GPC5: variants seen among roughly 807,000 people sequenced by gnomAD.
GPC5 encodes the protein glypican-5.
A neutral mutation model predicts 53.9 loss-of-function variants in GPC5; 47 were observed. The ratio of observed to expected loss-of-function variants is 0.87; its 90% CI spans 0.69 to 1.11. GPC5 has a LOEUF of 1.11. GPC5 is among the 50% of genes most tolerant of loss of function. GPC5 has a pLI of 0.00. For synonymous variants in GPC5, 286 were observed against 263.3 expected (o/e 1.09, Z -0.84); for missense variants, 748 against 713.1 (o/e 1.05, Z -0.56).
chr13:92,499,987 A>C (rs556798324), intron 7 of GPC5, among the ~76,000 whole-genome samples: 24 of 152,322 alleles, frequency 1.6e-4, no homozygotes, highest in Admixed American at 1.4e-3. Flanking sequence ...CTAAAAAGTA[A>C]ATAGTGACAG....
intron 7 of GPC5, among the ~76,000 whole-genome samples, chr13:92,511,318 A>G (rs1389828335): frequency 6.6e-6 from 1 of 152,102 alleles, no homozygotes; most frequent in African/African-American, 2.4e-5. Flanking sequence ...AAGTATCTCA[A>G]ATTTGTCTTT....
At chr13:91,721,335 G>A (rs1037985083) in intron 3 of GPC5, among the ~76,000 whole-genome samples, 28 of 151,860 alleles carry the variant, frequency 1.8e-4, no homozygotes, top group African/African-American at 6.0e-4. Flanking sequence ...GGGTTTCACC[G>A]TGTTGGCCAG....
At chr13:91,726,935 G>A (rs1315643454) in intron 3 of GPC5, among the ~76,000 whole-genome samples, 2 of 152,104 alleles carry the variant, frequency 1.3e-5, no homozygotes, top group African/African-American at 2.4e-5. Context: ...TATCCAAGTC[G>A]TATGATGGCA....
intron 7 of GPC5, among the ~76,000 whole-genome samples, chr13:92,738,397 A>C (rs1888996894): frequency 6.6e-6 from 1 of 152,060 alleles, no homozygotes; most frequent in African/African-American, 2.4e-5. Context: ...AGATAATGAG[A>C]TTATTAAGTA....
intron 3 of GPC5, among the ~76,000 whole-genome samples, chr13:91,695,694 A>G (rs1041659611): frequency 5.9e-5 from 9 of 152,152 alleles, no homozygotes; most frequent in African/African-American, 1.9e-4. Flanking sequence ...ATATTATTTT[A>G]TTGAGTATCT....
At chr13:92,018,654 A>T (rs1283237797) in intron 6 of GPC5, among the ~76,000 whole-genome samples, 2 of 152,112 alleles carry the variant, frequency 1.3e-5, no homozygotes, top group East Asian at 3.8e-4. Flanking sequence ...AATTCAAAAG[A>T]TGTCATTAAA....
At chr13:92,449,491 T>A (rs1396841423) in intron 7 of GPC5, among the ~76,000 whole-genome samples, 2 of 152,306 alleles carry the variant, frequency 1.3e-5, no homozygotes, top group East Asian at 3.9e-4. Flanking sequence ...TTAATGTAAA[T>A]CAAATATGAA....
chr13:92,124,876 T>A (rs556471147), intron 6 of GPC5, among the ~76,000 whole-genome samples: 1 of 152,184 alleles, frequency 6.6e-6, no homozygotes, highest in Non-Finnish European at 1.5e-5. Flanking sequence ...ACAGCTCTCA[T>A]GTTTCTGATT....
intron 6 of GPC5, among the ~76,000 whole-genome samples, chr13:91,989,944 T>G (rs2040442101): frequency 6.6e-6 from 1 of 152,162 alleles, no homozygotes; most frequent in East Asian, 1.9e-4. Flanking sequence ...TAAAAAAAAC[T>G]TCACCCTTTT....
chr13:91,804,533 C>T (rs530413528), intron 5 of GPC5, among the ~76,000 whole-genome samples: 12 of 152,266 alleles, frequency 7.9e-5, no homozygotes, highest in African/African-American at 2.4e-4. Flanking sequence ...AACTGATGCA[C>T]GCTTTCTGCT....
At chr13:91,909,581 T>G (rs1487076994) in intron 6 of GPC5, among the ~76,000 whole-genome samples, 1 of 152,182 alleles carries the variant, frequency 6.6e-6, no homozygotes, top group Non-Finnish European at 1.5e-5. Flanking sequence ...TACATATAAT[T>G]TATAAATACA....
chr13:92,390,046 G>T lies in GPC5; in HGVS notation c.1561+245057G>T, dbSNP rs145493347. ...TTATCACCATTTTATGACTTCATTA[G>T]AATTTTGTCTTGATTCAAGGGATTT... On this transcript the variant is annotated intron_variant, in intron 7 of 7. Coordinates refer to ENST00000377067, the MANE Select transcript of GPC5 (RefSeq NM_004466.6). 1.9e-3 allele frequency among the ~76,000 whole-genome samples: 284 copies of T among 152,176 alleles called. 2 individuals carry two copies. The highest frequency in any genetic ancestry group is 6.6e-3 in the African/African-American group (273 of 41,540).
At chr13:92,579,339 C>G (rs1262928862) in intron 7 of GPC5, among the ~76,000 whole-genome samples, 1 of 131,774 alleles carries the variant, frequency 7.6e-6, no homozygotes, top group African/African-American at 2.8e-5. Flanking sequence ...CTCTCTCTCT[C>G]TGCTTCATTA....
At chr13:92,768,262 T>C (rs1875481494) in intron 7 of GPC5, among the ~76,000 whole-genome samples, 1 of 152,226 alleles carries the variant, frequency 6.6e-6, no homozygotes, top group South Asian at 2.1e-4. Flanking sequence ...ATTATTGATA[T>C]CTTGTAGATT....
chr13:91,646,797 A>G (rs925383315), intron 2 of GPC5, among the ~76,000 whole-genome samples: 2 of 152,146 alleles, frequency 1.3e-5, no homozygotes, highest in Non-Finnish European at 2.9e-5. Flanking sequence ...GTGATCAGAA[A>G]CAAGACTTCA....
chr13:92,788,314 A>G (rs1215750854), intron 7 of GPC5, among the ~76,000 whole-genome samples: 2 of 152,198 alleles, frequency 1.3e-5, no homozygotes, highest in Non-Finnish European at 2.9e-5. Flanking sequence ...ATATAATTAT[A>G]AAAACCTGAA....
chr13:92,621,726 TGGG>T (rs1330192533), intron 7 of GPC5, among the ~76,000 whole-genome samples: 1 of 151,926 alleles, frequency 6.6e-6, no homozygotes, highest in East Asian at 1.9e-4. Flanking sequence ...GGCTGAGGCA[TGGG>T]AATTGCTTGA....
chr13:91,701,561 G>A (rs1266967536), intron 3 of GPC5, among the ~76,000 whole-genome samples: 2 of 151,976 alleles, frequency 1.3e-5, no homozygotes, highest in Admixed American at 6.6e-5. Context: ...GTGTGTGTGT[G>A]TGTGTGTGTG....
rs564731560 is a variant in GPC5, at chr13:91,559,463, C to T, written c.325+110541C>T. On this transcript the variant is annotated intron_variant, in intron 2 of 7. Transcript: ENST00000377067. ...AGTTACTCTAGCTAGAGGGCTGATACTGCTAAAACTAAAAACAAAATTAAA... is the reference window on the plus strand; with the variant it reads ...AGTTACTCTAGCTAGAGGGCTGATATTGCTAAAACTAAAAACAAAATTAAA... 2.0e-5 allele frequency among the ~76,000 whole-genome samples: 3 copies of T among 152,244 alleles called. No individual in the cohort carries two copies. In the East Asian group the frequency reaches 5.8e-4, roughly 29 times the overall value.
Sources: gnomAD v4.1 joint callset for allele counts (sites outside exome capture counted in the v4.1 genomes callset) on GRCh38, gnomAD v4.1.1 for gene constraint, MANE v1.5 for transcripts, NCBI Gene and HGNC (gene_info 2026-07-23, HGNC 2026-07-21) for gene names.